AHNAK2: variants seen among roughly 807,000 people sequenced by gnomAD.
The protein encoded by AHNAK2 is protein AHNAK2.
AHNAK2 carries 18 observed loss-of-function variants against 30.7 expected under a neutral mutation model. The ratio of observed to expected loss-of-function variants is 0.59; its 90% CI spans 0.41 to 0.87. AHNAK2 has a LOEUF of 0.87. AHNAK2 is among the 40% of genes least tolerant of loss of function. The pLI, the probability that AHNAK2 is intolerant of heterozygous loss-of-function variation, is 0.00. For synonymous variants in AHNAK2, 3,590 were observed against 3,073.8 expected (o/e 1.17, Z -5.56); for missense variants, 8,604 against 7,373.0 (o/e 1.17, Z -6.11).
Position 104,952,842 on chromosome 14 carries a change from G to T in AHNAK2, c.2609C>A (p.Ser870Tyr). 1.2e-6 allele frequency: 2 copies of T among 1,611,272 alleles called. No homozygotes were observed. Among genetic ancestry groups the T allele is most frequent in the Non-Finnish European group, 1.7e-6 (2 of 1,179,082 alleles). The change falls in exon 7 of 7, where the codon TCC becomes TAC. Residue 870 changes from serine (S) to tyrosine (Y), a missense_variant. Coordinates refer to ENST00000333244, the MANE Select transcript of AHNAK2 (RefSeq NM_138420.4). ...APKVEADVSL[S>Y]SMQGDLKATD... Reference sequence around the variant, plus strand: ...GGCCTTGAGGTCCCCCTGCATGGAGGAGAGGCTCACGTCGGCCTCCACCTT... The same window carrying T: ...GGCCTTGAGGTCCCCCTGCATGGAGTAGAGGCTCACGTCGGCCTCCACCTT...
chr14:104,955,634 C>T lies in AHNAK2; in HGVS notation c.316-1G>A, dbSNP rs772933134. Reference sequence around the variant, plus strand: ...TCACCTCTGTTGCCTCCTGGACAGCCTGGAGCAGAAGCACATCAGGGCCAT... The same window carrying T: ...TCACCTCTGTTGCCTCCTGGACAGCTTGGAGCAGAAGCACATCAGGGCCAT... On this transcript the variant is annotated splice_acceptor_variant, in intron 4 of 6. Coordinates refer to ENST00000333244, the MANE Select transcript of AHNAK2 (RefSeq NM_138420.4). LOFTEE classifies it high-confidence loss of function. The T allele has an allele frequency of 6.2e-7, 1 of 1,612,860 alleles. No individual in the cohort carries two copies. The highest frequency in any genetic ancestry group is 1.1e-5 in the South Asian group (1 of 90,822).
intron 1 of AHNAK2, among the ~76,000 whole-genome samples, chr14:104,975,096 T>C (rs1285837539): frequency 6.6e-6 from 1 of 152,154 alleles, no homozygotes; most frequent in Non-Finnish European, 1.5e-5. Flanking sequence ...CAGAAGAGCT[T>C]GGCCAAATGG....
chr14:104,940,302 G>A lies in AHNAK2; in HGVS notation c.15149C>T (p.Ser5050Phe), dbSNP rs368094639. Reference sequence around the variant, plus strand: ...AAAGCTACCCCCTGCTGTGGCACTAGAAAGGGAAGGATCCACGTCTCTCTG... The same window carrying A: ...AAAGCTACCCCCTGCTGTGGCACTAAAAAGGGAAGGATCCACGTCTCTCTG... ...LPQRDVDPSL[S>F]SATAGGSFQD... Residue 5050 changes from serine (S) to phenylalanine (F), a missense_variant, in exon 7 of 7, where the codon TCT (serine) becomes TTT (phenylalanine). Transcript: ENST00000333244. The surrounding 1 kb of genome is among the most constrained non-coding windows in gnomAD (Gnocchi z 4.4). 27 of 1,613,642 alleles carry A rather than the reference G, an allele frequency of 1.7e-5. No individual in the cohort carries two copies. The highest frequency in any genetic ancestry group is 2.2e-5 in the Non-Finnish European group (26 of 1,179,910).
At position 104,943,555 on chromosome 14, in the gene AHNAK2, T is replaced by G; in HGVS notation, c.11896A>C (p.Ser3966Arg). Reference protein sequence around the residue: ...LADKDMTAKDSKFKMPKFKMP... With the variant: ...LADKDMTAKDRKFKMPKFKMP... ...TTGAACTTGGGCATTTTGAACTTGCTGTCTTTGGCCGTCATGTCCTTGTCG... is the reference window on the plus strand; with the variant it reads ...TTGAACTTGGGCATTTTGAACTTGCGGTCTTTGGCCGTCATGTCCTTGTCG... The change falls in exon 7 of 7, where the codon AGC becomes CGC. Residue 3966 changes from serine (S) to arginine (R), a missense_variant. By Grantham distance (110) the Ser-to-Arg change is moderately radical (BLOSUM62 -1). Coordinates refer to ENST00000333244, the MANE Select transcript of AHNAK2 (RefSeq NM_138420.4). 1 of 1,612,982 alleles carries G rather than the reference T, an allele frequency of 6.2e-7. No individual in the cohort carries two copies. Among genetic ancestry groups the G allele is most frequent in the Non-Finnish European group, 8.5e-7 (1 of 1,179,536 alleles).
chr14:104,953,375 C>G lies in AHNAK2; in HGVS notation c.2076G>C (p.Lys692Asn), dbSNP rs1898860548. 1.9e-6 allele frequency: 3 copies of G among 1,613,970 alleles called. No individual in the cohort carries two copies. The highest frequency in any genetic ancestry group is 1.7e-5 in the Admixed American group (1 of 60,026). The change falls in exon 7 of 7, where the codon AAG (lysine) becomes AAC (asparagine). Residue 692 changes from lysine (K) to asparagine (N), a missense_variant. Lys to Asn is a moderately conservative substitution (Grantham distance 94). Transcript: ENST00000333244. ...ACACATCCACCGAGGCCTCCATGGA[C>G]TTGCCTGGGGCTGACGCCCCGAACA... is the stretch of plus-strand genomic sequence containing the variant. ...MPLFGASAPGKSMEASVDVSA... is the reference protein window; with the variant it reads ...MPLFGASAPGNSMEASVDVSA...
rs147731892 is a variant in AHNAK2, at chr14:104,950,206, A to T, written c.5245T>A (p.Leu1749Met). 83 of 1,584,832 alleles carry T rather than the reference A, an allele frequency of 5.2e-5. 1 individual carries two copies. In the African/African-American group the frequency reaches 1.1e-3, roughly 21 times the overall value. The change falls in exon 7 of 7, where the codon TTG becomes ATG. Residue 1749 changes from leucine to methionine, a missense_variant. By Grantham distance (15) the Leu-to-Met change is conservative. Transcript: ENST00000333244. ...GHLPKVQMPS[L>M]KMPKVALKGP... ...TTGAGGGCCACTTTGGGCATCTTCA[A>T]ACTGGGCATCTGCACCTTGGGGAGG...
chr14:104,964,581 A>T (rs1899247047), intron 1 of AHNAK2, among the ~76,000 whole-genome samples: 1 of 151,526 alleles, frequency 6.6e-6, no homozygotes, highest in Admixed American at 6.6e-5. Flanking sequence ...ACAGTAGAAT[A>T]AAAAAAAATG....
At chr14:104,959,342 T>C (rs1899068911) in intron 1 of AHNAK2, among the ~76,000 whole-genome samples, 1 of 152,162 alleles carries the variant, frequency 6.6e-6, no homozygotes, top group South Asian at 2.1e-4. Context: ...CCAGCTAATT[T>C]TCGTACGTTT....
chr14:104,967,769 A>T (rs1255732416), intron 1 of AHNAK2, among the ~76,000 whole-genome samples: 2 of 152,188 alleles, frequency 1.3e-5, no homozygotes, highest in East Asian at 1.9e-4. Context: ...GGAAGGGGGA[A>T]ATCCTGCCCG....
chr14:104,942,478 C>G lies in AHNAK2; in HGVS notation c.12973G>C (p.Ala4325Pro), dbSNP rs765764117. 76 of 1,612,882 alleles carry G rather than the reference C, an allele frequency of 4.7e-5. No homozygotes were observed. The highest frequency in any genetic ancestry group is 6.4e-5 in the Non-Finnish European group (76 of 1,179,562). ...CTCACGTCAGCCTCCACCTTCAGCG[C>G]AGACACATCCAACGAGGCCTCGATG... ...KSIEASLDVSALKVEADVSLP... is the reference protein window; with the variant it reads ...KSIEASLDVSPLKVEADVSLP... Residue 4325 changes from alanine to proline, a missense_variant, in exon 7 of 7, where the codon GCG becomes CCG. Ala to Pro is a conservative substitution (Grantham distance 27). Coordinates refer to ENST00000333244, the MANE Select transcript of AHNAK2 (RefSeq NM_138420.4).
Position 104,943,867 on chromosome 14 carries a change from C to T in AHNAK2, c.11584G>A (p.Val3862Ile), listed in dbSNP as rs200758317. The change falls in exon 7 of 7, where the codon GTC (valine) becomes ATC (isoleucine). Residue 3862 changes from valine (V) to isoleucine (I), a missense_variant. Physicochemically the swap from Val to Ile is conservative, Grantham distance 29 (BLOSUM62 3). Transcript: ENST00000333244. ...SIQPHSADLTVQARQVDMKLL... is the reference protein window; with the variant it reads ...SIQPHSADLTIQARQVDMKLL... ...TTCATGTCCACCTGGCGAGCTTGGA[C>T]CGTCAGGTCGGCAGAATGGGGCTGA... 5 of 1,612,970 alleles carry T rather than the reference C, an allele frequency of 3.1e-6. No homozygotes were observed. The highest frequency in any genetic ancestry group is 3.4e-6 in the Non-Finnish European group (4 of 1,179,536).
chr14:104,953,212 G>T lies in AHNAK2; in HGVS notation c.2239C>A (p.Pro747Thr), dbSNP rs117125675. 4,019 of 1,612,832 alleles carry T rather than the reference G, an allele frequency of 2.5e-3. 76 individuals are homozygous for T. In the East Asian group the frequency reaches 0.032, roughly 13 times the overall value. The change falls in exon 7 of 7, where the codon CCC becomes ACC. Residue 747 changes from proline to threonine, a missense_variant. Transcript: ENST00000333244. ...GQVDVKLPEGPLPEGASLKGH... is the reference protein window; with the variant it reads ...GQVDVKLPEGTLPEGASLKGH... ...TTGAGGCTGGCTCCCTCGGGCAGGG[G>T]GCCCTCCGGAAGTTTCACATCCACT... is the stretch of plus-strand genomic sequence containing the variant.
chr14:104,944,938 C>T lies in AHNAK2; in HGVS notation c.10513G>A (p.Ala3505Thr), dbSNP rs778550797. The T allele has an allele frequency of 8.1e-6, 13 of 1,613,244 alleles. No homozygotes were observed. The South Asian group carries it at 1.2e-4, about 15-fold the overall frequency. The change falls in exon 7 of 7, where the codon GCC (alanine) becomes ACC (threonine). Residue 3505 changes from alanine (A) to threonine (T), a missense_variant. Physicochemically the swap from Ala to Thr is moderately conservative, Grantham distance 58. Coordinates refer to ENST00000333244, the MANE Select transcript of AHNAK2 (RefSeq NM_138420.4). ...SLDVSAPKVE[A>T]DVSLSSMQGD... ...TGCATGGAGGAGAGGCTCACGTCGG[C>T]CTCCACCTTCGGCGCAGACACATCC...
rs374320063 is a variant in AHNAK2, at chr14:104,947,817, C to A, written c.7634G>T (p.Gly2545Val). The A allele has an allele frequency of 1.9e-6, 3 of 1,612,484 alleles. No homozygotes were observed. The highest frequency in any genetic ancestry group is 2.7e-5 in the African/African-American group (2 of 74,448). The change falls in exon 7 of 7, where the codon GGC becomes GTC. Residue 2545 changes from glycine to valine, a missense_variant. Coordinates refer to ENST00000333244, the MANE Select transcript of AHNAK2 (RefSeq NM_138420.4). Reference protein sequence around the residue: ...PPSADLEVQAGQVDVKLPEGP... With the variant: ...PPSADLEVQAVQVDVKLPEGP... ...CTCTGGGAGTTTCACGTCCACTTGG[C>A]CAGCCTGGACCTCCAGGTCAGCGGA...
chr14:104,957,836 A>C (rs9324079), intron 1 of AHNAK2, among the ~76,000 whole-genome samples, 164 bp from the exon 2 acceptor site: 18,800 of 152,022 alleles, frequency 0.12, 2,619 homozygotes, highest in East Asian at 0.47. Context: ...TCTATAGCCA[A>C]TGGGCTGGAG....
intron 1 of AHNAK2, among the ~76,000 whole-genome samples, chr14:104,961,316 C>T (rs1397604062): frequency 6.6e-6 from 1 of 151,442 alleles, no homozygotes; most frequent in East Asian, 2.0e-4. Context: ...AGATCAAAAC[C>T]ATCCTGGCTA....
At position 104,945,003 on chromosome 14, in the gene AHNAK2, A is replaced by C; in HGVS notation, c.10448T>G (p.Phe3483Cys). The C allele has an allele frequency of 6.2e-7, 1 of 1,610,234 alleles. No homozygotes were observed. The highest frequency in any genetic ancestry group is 8.5e-7 in the Non-Finnish European group (1 of 1,178,926). The change falls in exon 7 of 7, where the codon TTC (phenylalanine) becomes TGC (cysteine). Residue 3483 changes from phenylalanine to cysteine, a missense_variant. Transcript: ENST00000333244. ...GGACCTGCCTGGGGCCGACACCCCG[A>C]AGGAGGGCATCTTGAACTTGGGCAT... ...FKMPKFKMPS[F>C]GVSAPGRSIE...
chr14:104,971,443 T>A (rs1899468495), intron 1 of AHNAK2, among the ~76,000 whole-genome samples: 1 of 152,006 alleles, frequency 6.6e-6, no homozygotes, highest in Non-Finnish European at 1.5e-5. Context: ...AGAGACAAGG[T>A]CTCCCTGTGT....
rs1044418998 is a variant in AHNAK2 at position 104,956,485 on chromosome 14, C to G, written c.315+103G>C. 1.7e-5 allele frequency: 20 copies of G among 1,202,680 alleles called. No individual in the cohort carries two copies. The Admixed American group carries it at 2.9e-4, about 18-fold the overall frequency. The allele number at this position is 1,202,680 out of a possible 1,614,324, so 74.5% of individuals were successfully genotyped here. A position where few individuals can be genotyped will look rare whatever the true frequency, so the allele number is the denominator to read the frequency against. On this transcript the variant is annotated intron_variant, in intron 4 of 6. Coordinates refer to ENST00000333244, the MANE Select transcript of AHNAK2 (RefSeq NM_138420.4). ...CTCCCCAGGGCACGGGGCACACTGCCAGCCTCTTTGCTCCTCCCCTGCCTG... is the reference window on the plus strand; with the variant it reads ...CTCCCCAGGGCACGGGGCACACTGCGAGCCTCTTTGCTCCTCCCCTGCCTG...
Sources: gnomAD v4.1 joint callset for allele counts (sites outside exome capture counted in the v4.1 genomes callset) on GRCh38, gnomAD v4.1.1 for gene constraint, Gnocchi (gnomAD v3.1) non-coding constraint, MANE v1.5 for transcripts, NCBI Gene and HGNC (gene_info 2026-07-23, HGNC 2026-07-21) for gene names.